MGAT5: variants seen among roughly 807,000 people sequenced by gnomAD.
MGAT5 encodes alpha-1,6-mannosylglycoprotein 6-beta-N-acetylglucosaminyltransferase A.
A neutral mutation model predicts 94.3 loss-of-function variants in MGAT5; 30 were observed. The observed-to-expected ratio is 0.32, with a 90% CI of 0.24 to 0.43. The LOEUF (loss-of-function observed/expected upper bound fraction) is 0.43, where lower values mean the gene tolerates loss of function less well. Ranked by LOEUF, MGAT5 falls within the 20% of genes least tolerant of loss-of-function variation. The pLI is 1.00. For synonymous variants in MGAT5, 310 were observed against 322.9 expected (o/e 0.96, Z 0.43); for missense variants, 691 against 905.5 (o/e 0.76, Z 3.04).
Position 134,254,777 on chromosome 2 carries a change from C to A in MGAT5, c.241+133C>A, listed in dbSNP as rs893717813. ...GCCTTCATAAGCAGTGAATTGCACACAGAGAGGCATCTTTAGGAAATTAAA... is the reference window on the plus strand; with the variant it reads ...GCCTTCATAAGCAGTGAATTGCACAAAGAGAGGCATCTTTAGGAAATTAAA... On this transcript the variant is annotated intron_variant, in intron 1 of 15. Coordinates refer to ENST00000281923, the MANE Select transcript of MGAT5 (RefSeq NM_002410.5). 4 of 1,250,430 alleles carry A rather than the reference C, an allele frequency of 3.2e-6. No homozygotes were observed. The African/African-American group carries it at 6.0e-5, about 19-fold the overall frequency. 77.5% of individuals were successfully genotyped at this position (1,250,430 alleles called of 1,614,324 possible). A position where few individuals can be genotyped will look rare whatever the true frequency, so the allele number is the denominator to read the frequency against.
intron 10 of MGAT5, 65 bp from the exon 11 acceptor site, chr2:134,402,923 A>C (rs1158964145): frequency 6.7e-7 from 1 of 1,483,626 alleles, no homozygotes; most frequent in East Asian, 2.4e-5. Context: ...GTTCTAGTCC[A>C]TGATACAGGT....
At chr2:134,167,453 G>A (rs1293519925) in intron 1 of MGAT5, among the ~76,000 whole-genome samples, 4 of 152,170 alleles carry the variant, frequency 2.6e-5, no homozygotes, top group Admixed American at 2.0e-4. Context: ...TTAAAACAGC[G>A]CTGGCCCCAT....
chr2:134,135,404 A>G (rs1686356523), intron 1 of MGAT5, among the ~76,000 whole-genome samples: 1 of 152,156 alleles, frequency 6.6e-6, no homozygotes. Flanking sequence ...TTTTAAAGAA[A>G]GCAAACCAGC....
At chr2:134,280,361 T>C (rs1176366950) in intron 2 of MGAT5, among the ~76,000 whole-genome samples, 2 of 152,164 alleles carry the variant, frequency 1.3e-5, no homozygotes, top group Non-Finnish European at 2.9e-5. Flanking sequence ...ACGTGTGGGA[T>C]CACAAACCCC....
intron 1 of MGAT5, among the ~76,000 whole-genome samples, chr2:134,222,667 A>G (rs1680844563): frequency 6.6e-6 from 1 of 152,224 alleles, no homozygotes; most frequent in Admixed American, 6.5e-5. Flanking sequence ...TGGGAGAGAA[A>G]AGCTTTTGTC....
chr2:134,139,469 A>G (rs1428322634), intron 1 of MGAT5, among the ~76,000 whole-genome samples: 1 of 152,164 alleles, frequency 6.6e-6, no homozygotes, highest in Non-Finnish European at 1.5e-5. Flanking sequence ...CAGCCCTCAA[A>G]TACACTGCTT....
chr2:134,225,468 C>T (rs1681013817), intron 1 of MGAT5, among the ~76,000 whole-genome samples: 1 of 152,056 alleles, frequency 6.6e-6, no homozygotes, highest in Admixed American at 6.6e-5. Context: ...TGGGCATGGT[C>T]TTGCCGTGTT....
intron 4 of MGAT5, among the ~76,000 whole-genome samples, chr2:134,328,534 A>G (rs767235619): frequency 3.2e-4 from 49 of 152,176 alleles, no homozygotes; most frequent in Non-Finnish European, 6.5e-4. Context: ...AGAACAGTAA[A>G]GCGCCGCGTA....
chr2:134,357,818 G>C (rs998263759), intron 9 of MGAT5, among the ~76,000 whole-genome samples: 1 of 150,652 alleles, frequency 6.6e-6, no homozygotes, highest in Non-Finnish European at 1.5e-5. Flanking sequence ...TTATATTACA[G>C]TTTCCCTAGC....
chr2:134,185,378 G>A (rs1365807285), intron 1 of MGAT5, among the ~76,000 whole-genome samples: 1 of 152,140 alleles, frequency 6.6e-6, no homozygotes, highest in East Asian at 1.9e-4. Flanking sequence ...GAAAGTGTTC[G>A]TGTCTCAGAG....
At chr2:134,249,020 G>C (rs1682439298) in intron 1 of MGAT5, among the ~76,000 whole-genome samples, 1 of 151,854 alleles carries the variant, frequency 6.6e-6, no homozygotes. Flanking sequence ...CTGTAAGGTT[G>C]ATCCAGAGGT....
chr2:134,288,481 A>G (rs1374721), intron 2 of MGAT5, among the ~76,000 whole-genome samples: 141,792 of 151,858 alleles, frequency 0.93, 66,542 homozygotes, highest in Non-Finnish European at 0.99. Flanking sequence ...GACTACGTGG[A>G]CAGCAAATCT....
intron 4 of MGAT5, among the ~76,000 whole-genome samples, chr2:134,326,691 G>A (rs1023410550): frequency 1.3e-5 from 2 of 152,052 alleles, no homozygotes; most frequent in African/African-American, 4.8e-5. Flanking sequence ...GAGATAGCTA[G>A]CAACATCAAA....
chr2:134,341,534 C>A, intron 6 of MGAT5, 56 bp from the exon 7 acceptor site: 2 of 1,423,152 alleles, frequency 1.4e-6, no homozygotes, highest in South Asian at 1.5e-5. Flanking sequence ...TGGCGCATTA[C>A]TGTGCCTTTT....
chr2:134,181,371 C>A (rs1313457718), intron 1 of MGAT5, among the ~76,000 whole-genome samples: 1 of 152,146 alleles, frequency 6.6e-6, no homozygotes, highest in African/African-American at 2.4e-5. Flanking sequence ...TACGTGTGTC[C>A]ACAAGAGCTT....
chr2:134,170,855 C>CTTTT (rs112717170), intron 1 of MGAT5, among the ~76,000 whole-genome samples: 9 of 145,846 alleles, frequency 6.2e-5, no homozygotes, highest in African/African-American at 7.6e-5. Flanking sequence ...GATCTCTACT[C>CTTTT]TTTTTTTTTT....
chr2:134,441,863 A>G lies in MGAT5; in HGVS notation c.1975A>G (p.Ile659Val), dbSNP rs1157425883. The change falls in exon 15 of 16, where the codon ATC becomes GTC. Residue 659 changes from isoleucine to valine, a missense_variant. Around this residue, in one of 4 missense-constraint regions of MGAT5, gnomAD observed 260 missense variants for 347.0 expected, o/e 0.75. Transcript: ENST00000281923. ...GCAGGTGTGCCAGGAGAGCCAGCTCATCTGCGAGCCTTCTTTCTTCCAGCA... is the reference window on the plus strand; with the variant it reads ...GCAGGTGTGCCAGGAGAGCCAGCTCGTCTGCGAGCCTTCTTTCTTCCAGCA... Reference protein sequence around the residue: ...CKQVCQESQLICEPSFFQHLN... With the variant: ...CKQVCQESQLVCEPSFFQHLN... The G allele has an allele frequency of 8.7e-6, 14 of 1,613,980 alleles. No homozygotes were observed. The highest frequency in any genetic ancestry group is 1.2e-5 in the Non-Finnish European group (14 of 1,179,996).
intron 2 of MGAT5, among the ~76,000 whole-genome samples, chr2:134,303,504 G>A (rs1487000884): frequency 6.6e-6 from 1 of 152,126 alleles, no homozygotes; most frequent in African/African-American, 2.4e-5. Context: ...GGGTGTGTCT[G>A]TTTCCATTTT....
chr2:134,389,771 A>G (rs1026011649), intron 10 of MGAT5, among the ~76,000 whole-genome samples: 2 of 152,204 alleles, frequency 1.3e-5, no homozygotes, highest in African/African-American at 4.8e-5. Flanking sequence ...TTGGAGAGAA[A>G]CTATGTGGTC....
Sources: allele counts gnomAD v4.1 joint callset (sites outside exome capture counted in the v4.1 genomes callset), GRCh38; gene constraint gnomAD v4.1.1; regional missense constraint gnomAD v4.1.1; transcripts MANE v1.5; gene names NCBI Gene and HGNC (gene_info 2026-07-23, HGNC 2026-07-21).